Variants in REPS2 observed in about 807,000 individuals in gnomAD.
REPS2 encodes ralBP1-associated Eps domain-containing protein 2.
REPS2 carries 23 observed loss-of-function variants against 53.6 expected under a neutral mutation model. That is an observed-to-expected ratio of 0.43 (90% CI 0.31 to 0.61). The LOEUF (loss-of-function observed/expected upper bound fraction) is 0.61. REPS2 is among the 20% of genes least tolerant of loss of function. REPS2 has a pLI of 0.11. For synonymous variants in REPS2, 238 were observed against 218.6 expected (o/e 1.09, Z -0.78); for missense variants, 446 against 534.9 (o/e 0.83, Z 1.64).
the REPS2 span, among the ~76,000 whole-genome samples, chrX:17,184,091 A>C: frequency 9.2e-6 from 1 of 108,315 alleles, no homozygotes; most frequent in East Asian, 3.0e-4. Flanking sequence ...GGTTAGTTAC[A>C]TATGTATACA....
rs768969476 is a variant in REPS2, at chrX:17,017,895, G to GA, written c.398-4220dup. Among the ~76,000 whole-genome samples, 3 of 110,494 alleles carry GA rather than the reference G, an allele frequency of 2.7e-5. No individual in the cohort carries two copies. In the East Asian group the frequency reaches 8.5e-4, roughly 31 times the overall value. On this transcript the variant is annotated intron_variant, in intron 2 of 17. Coordinates refer to ENST00000357277, the MANE Select transcript of REPS2 (RefSeq NM_004726.3). ...ACATGGGAGTTTGAAGGCTTAATAT[G>GA]AAAAAAAATGTAAAATATTTCATTA...
chrX:17,129,052 A>G (rs767979046), intron 14 of REPS2, among the ~76,000 whole-genome samples: 8 of 111,709 alleles, frequency 7.2e-5, no homozygotes, highest in Non-Finnish European at 1.5e-4. Context: ...CACAAGAATC[A>G]GTCACTGGAT....
intron 8 of REPS2, among the ~76,000 whole-genome samples, chrX:17,056,784 C>T (rs1055689312): frequency 8.1e-5 from 9 of 111,637 alleles, no homozygotes; most frequent in African/African-American, 2.9e-4. Flanking sequence ...TATATGTATA[C>T]ACCCATGTAA....
chrX:17,052,568 A>G, intron 7 of REPS2, 123 bp downstream of exon 7: 7 of 426,444 alleles, frequency 1.6e-5, no homozygotes, highest in Non-Finnish European at 2.7e-5. Context: ...TACAGGAGTG[A>G]ATACAACTCA....
In REPS2 at chrX:17,014,447, A is replaced by G. The variant is rs1484134403; in HGVS notation, c.398-7676A>G. On this transcript the variant is annotated intron_variant, in intron 2 of 17. Coordinates refer to ENST00000357277, the MANE Select transcript of REPS2 (RefSeq NM_004726.3). ...TCTAGCGATTACCTACCCATTTCCT[A>G]ATTGACAAGAGGTATTTCAGATCAA... 1.4e-4 allele frequency among the ~76,000 whole-genome samples: 16 copies of G among 111,557 alleles called. No individual in the cohort carries two copies. In the Admixed American group the frequency reaches 1.5e-3, roughly 11 times the overall value.
the REPS2 span, among the ~76,000 whole-genome samples, chrX:17,175,876 T>A: frequency 8.9e-6 from 1 of 111,827 alleles, no homozygotes; most frequent in Non-Finnish European, 1.9e-5. Context: ...GAAAGGCAGG[T>A]GGGGGAAGGA....
intron 1 of REPS2, among the ~76,000 whole-genome samples, chrX:16,989,670 G>A (rs1271160235): frequency 1.8e-5 from 2 of 112,445 alleles, no homozygotes; most frequent in African/African-American, 6.5e-5. Context: ...TGACAGATAA[G>A]CATGTGAAAA....
At chrX:17,015,154 TA>T (rs775508263) in intron 2 of REPS2, among the ~76,000 whole-genome samples, 9 of 113,130 alleles carry the variant, frequency 8.0e-5, no homozygotes, top group Non-Finnish European at 1.5e-4. Flanking sequence ...GAAAAGCATC[TA>T]CAACTTTGTT....
At chrX:17,118,879 A>C (rs753325992) in intron 14 of REPS2, among the ~76,000 whole-genome samples, 1 of 112,591 alleles carries the variant, frequency 8.9e-6, no homozygotes, top group East Asian at 2.8e-4. Flanking sequence ...GGTAACCCTT[A>C]TTCTACCCCC....
At chrX:17,146,350 A>G (rs941445356) in intron 17 of REPS2, among the ~76,000 whole-genome samples, 1 of 110,162 alleles carries the variant, frequency 9.1e-6, no homozygotes, top group African/African-American at 3.3e-5. Flanking sequence ...CTCTGTGAAT[A>G]TCCTTCCCCC....
the REPS2 span, among the ~76,000 whole-genome samples, chrX:17,183,139 CT>C: frequency 8.9e-6 from 1 of 112,145 alleles, no homozygotes; most frequent in African/African-American, 3.2e-5. Flanking sequence ...GAGGTTCTGC[CT>C]TCAGAGAACT....
intron 1 of REPS2, among the ~76,000 whole-genome samples, chrX:16,982,918 A>G (rs1215005020): frequency 8.9e-6 from 1 of 112,443 alleles, no homozygotes; most frequent in East Asian, 2.8e-4. Flanking sequence ...TGACTATTTG[A>G]TACTTTAGCA....
chrX:17,024,270 G>C (rs1237458129), intron 3 of REPS2, among the ~76,000 whole-genome samples: 4 of 109,591 alleles, frequency 3.6e-5, no homozygotes, highest in Non-Finnish European at 7.6e-5. Flanking sequence ...CTGGGTGACA[G>C]AGCGAGACCC....
At chrX:17,056,267 C>T (rs1239043205) in intron 8 of REPS2, among the ~76,000 whole-genome samples, 1 of 112,109 alleles carries the variant, frequency 8.9e-6, no homozygotes, top group Non-Finnish European at 1.9e-5. Context: ...CTGAACCTCC[C>T]AGCTGGTATA....
intron 11 of REPS2, 75 bp from the exon 12 acceptor site, chrX:17,074,039 T>A (rs2062346688): frequency 1.6e-5 from 15 of 934,085 alleles, no homozygotes; most frequent in Non-Finnish European, 2.0e-5. Context: ...GTTGATGTGT[T>A]CTGTACTAGC....
At chrX:16,972,452 C>T (rs895870057) in intron 1 of REPS2, among the ~76,000 whole-genome samples, 2 of 112,035 alleles carry the variant, frequency 1.8e-5, no homozygotes, top group African/African-American at 3.2e-5. Flanking sequence ...ACTACTGCAT[C>T]ATATCTTATT....
At chrX:17,062,997 T>C (rs1410376774) in intron 9 of REPS2, among the ~76,000 whole-genome samples, 5 of 112,121 alleles carry the variant, frequency 4.5e-5, no homozygotes, top group African/African-American at 1.3e-4. Flanking sequence ...CGGAACTCCC[T>C]CAGGGTTTTT....
At chrX:16,989,457 A>T (rs973395771) in intron 1 of REPS2, among the ~76,000 whole-genome samples, 1 of 111,959 alleles carries the variant, frequency 8.9e-6, no homozygotes, top group East Asian at 2.8e-4. Context: ...TCAAAATAAA[A>T]AATACTTACT....
At chrX:17,119,619 T>G (rs933275823) in intron 14 of REPS2, among the ~76,000 whole-genome samples, 1 of 111,900 alleles carries the variant, frequency 8.9e-6, no homozygotes, top group African/African-American at 3.3e-5. Context: ...ACAGCAGTCA[T>G]GCCCAACACT....
Sources: allele counts gnomAD v4.1 joint callset (sites outside exome capture counted in the v4.1 genomes callset), GRCh38; gene constraint gnomAD v4.1.1; transcripts MANE v1.5; gene names NCBI Gene and HGNC (gene_info 2026-07-23, HGNC 2026-07-21).